The following PALLD variants were observed in gnomAD, a reference collection of about 807,000 sequenced individuals.
PALLD encodes the protein palladin.
PALLD carries 61 observed loss-of-function variants against 123.5 expected under a neutral mutation model. The observed-to-expected ratio is 0.49, with a 90% CI of 0.40 to 0.61. The LOEUF (loss-of-function observed/expected upper bound fraction) is 0.61, where lower values mean the gene tolerates loss of function less well. Ranked by LOEUF, PALLD falls within the 20% of genes least tolerant of loss-of-function variation. The probability of loss-of-function intolerance (pLI) is 0.00; values close to 1 mark genes in which losing one functional copy is unlikely to be tolerated. For synonymous variants in PALLD, 465 were observed against 496.4 expected (o/e 0.94, Z 0.84); for missense variants, 1,273 against 1,377.0 (o/e 0.92, Z 1.20).
At chr4:168,903,193 C>T (rs1281619423) in intron 14 of PALLD, among the ~76,000 whole-genome samples, 2 of 152,100 alleles carry the variant, frequency 1.3e-5, no homozygotes, top group African/African-American at 4.8e-5. Context: ...CTTCCTGGCC[C>T]AGAAATAAAG....
chr4:168,718,603 A>T (rs989044869), intron 10 of PALLD, among the ~76,000 whole-genome samples: 2 of 152,232 alleles, frequency 1.3e-5, no homozygotes, highest in African/African-American at 2.4e-5. Flanking sequence ...ATAAAGAAAT[A>T]TATGCACTGA....
chr4:168,624,412 G>T (rs1221352314), intron 2 of PALLD, among the ~76,000 whole-genome samples: 5 of 152,006 alleles, frequency 3.3e-5, no homozygotes, highest in African/African-American at 1.2e-4. Context: ...CCGCAAAAAA[G>T]CTTCTAAGAA....
At chr4:168,733,806 C>T (rs959900813) in intron 10 of PALLD, among the ~76,000 whole-genome samples, 2 of 152,188 alleles carry the variant, frequency 1.3e-5, no homozygotes, top group Non-Finnish European at 2.9e-5. Flanking sequence ...GCTATCTTGG[C>T]TCACTGCAAG....
chr4:168,700,019 A>G, intron 8 of PALLD: 1 of 272,616 alleles, frequency 3.7e-6, no homozygotes, highest in Admixed American at 4.2e-5. Context: ...TATTTTACAG[A>G]TGTCTTATAC....
intron 10 of PALLD, among the ~76,000 whole-genome samples, chr4:168,850,676 C>T (rs1420240113): frequency 6.6e-6 from 1 of 151,596 alleles, no homozygotes; most frequent in East Asian, 1.9e-4. Flanking sequence ...GGATTACAGG[C>T]GTGCACCACC....
At chr4:168,532,815 G>A (rs1338387657) in intron 2 of PALLD, among the ~76,000 whole-genome samples, 1 of 151,958 alleles carries the variant, frequency 6.6e-6, no homozygotes, top group Non-Finnish European at 1.5e-5. Flanking sequence ...TGAAAGAAAG[G>A]GAAACCATTG....
In PALLD at chr4:168,518,387, C is replaced by T. The variant is rs746579820; in HGVS notation, c.908+5975C>T. Among the ~76,000 whole-genome samples the T allele has an allele frequency of 5.9e-5, 9 of 152,258 alleles. No homozygotes were observed. The South Asian group carries it at 8.3e-4, about 14-fold the overall frequency. On this transcript the variant is annotated intron_variant, in intron 2 of 21. Coordinates refer to ENST00000505667, the MANE Select transcript of PALLD (RefSeq NM_001166108.2). The stretch of plus-strand genomic sequence containing the variant: ...ATGAAATCACTATCACAGCACTGCC[C>T]GAACACCGTCCAGGGGCTTCTCACT...
In PALLD at chr4:168,652,516, G is replaced by A. The variant is rs181701144; in HGVS notation, c.909-15674G>A. ...TTATACTTTAAGTTCTAGGGTACAT[G>A]TGCACAACGTGCAGGTTAACACAAA... On this transcript the variant is annotated intron_variant, in intron 2 of 21. Transcript: ENST00000505667. Among the ~76,000 whole-genome samples, 176 of 152,190 alleles carry A rather than the reference G, an allele frequency of 1.2e-3. 1 individual carries two copies. The highest frequency in any genetic ancestry group is 2.2e-3 in the Non-Finnish European group (149 of 68,026).
rs914230832 is a variant in PALLD at position 168,750,905 on chromosome 4, C to G, written c.1964+38982C>G. ...ACCATTATTTGGATAGATGATTTGTCTCTCTGTCTGGTTGGTAACTGAAGG... is the reference window on the plus strand; with the variant it reads ...ACCATTATTTGGATAGATGATTTGTGTCTCTGTCTGGTTGGTAACTGAAGG... On this transcript the variant is annotated intron_variant, in intron 10 of 21. Transcript: ENST00000505667. Among the ~76,000 whole-genome samples the G allele has an allele frequency of 2.6e-5, 4 of 152,150 alleles. No homozygotes were observed. In the East Asian group the frequency reaches 7.7e-4, roughly 29 times the overall value.
intron 2 of PALLD, among the ~76,000 whole-genome samples, chr4:168,656,240 C>T (rs964547073): frequency 7.4e-6 from 1 of 134,766 alleles, no homozygotes; most frequent in Non-Finnish European, 1.6e-5. Flanking sequence ...ATTCTCCACC[C>T]CCCCACCCCC....
At chr4:168,586,504 G>A (rs1359460048) in intron 2 of PALLD, among the ~76,000 whole-genome samples, 3 of 152,168 alleles carry the variant, frequency 2.0e-5, no homozygotes, top group African/African-American at 7.2e-5. Context: ...GAGAGGAGGA[G>A]CGAATCCCTC....
chr4:168,882,404 A>T (rs1030218024), intron 10 of PALLD, among the ~76,000 whole-genome samples: 3 of 152,216 alleles, frequency 2.0e-5, no homozygotes, highest in African/African-American at 7.2e-5. Flanking sequence ...AGAAGCAGCA[A>T]ATCAGAATCC....
rs186535121 is a variant in PALLD, at chr4:168,788,002, G to A, written c.1964+76079G>A. Among the ~76,000 whole-genome samples, 14 of 152,308 alleles carry A rather than the reference G, an allele frequency of 9.2e-5. No individual in the cohort carries two copies. In the East Asian group the frequency reaches 1.5e-3, roughly 17 times the overall value. On this transcript the variant is annotated intron_variant, in intron 10 of 21. Transcript: ENST00000505667. ...CTTCGCTGTAAACATGGTCATTGGC[G>A]TTAAGTTGTTAAACTGTAACTAATC... is the stretch of plus-strand genomic sequence containing the variant.
At chr4:168,890,896 T>C (rs778525718) in intron 10 of PALLD, 26 bp from the exon 11 acceptor site, 3 of 1,613,470 alleles carry the variant, frequency 1.9e-6, no homozygotes, top group Non-Finnish European at 2.5e-6. Context: ...CAACTAACTA[T>C]ACTGCCTTGT....
Position 168,768,910 on chromosome 4 carries a change from C to A in PALLD, c.1964+56987C>A, listed in dbSNP as rs182827399. Among the ~76,000 whole-genome samples, 30 of 151,606 alleles carry A rather than the reference C, an allele frequency of 2.0e-4. No individual in the cohort carries two copies. The East Asian group carries it at 5.6e-3, about 29-fold the overall frequency. On this transcript the variant is annotated intron_variant, in intron 10 of 21. Coordinates refer to ENST00000505667, the MANE Select transcript of PALLD (RefSeq NM_001166108.2). ...GTGATGCCATCTCAGCTCACTGCAA[C>A]CTCCGCCTCCTGGGTTCAAGCAATT...
chr4:168,860,308 C>G (rs1051653819), intron 10 of PALLD, among the ~76,000 whole-genome samples: 1 of 152,214 alleles, frequency 6.6e-6, no homozygotes, highest in Non-Finnish European at 1.5e-5. Flanking sequence ...CAGCCATGCA[C>G]AGCTGGACAG....
chr4:168,537,242 A>G (rs1464000677), intron 2 of PALLD, among the ~76,000 whole-genome samples: 1 of 152,236 alleles, frequency 6.6e-6, no homozygotes, highest in African/African-American at 2.4e-5. Flanking sequence ...GACTGAGGAA[A>G]TAATTGGGCA....
chr4:168,831,122 C>T (rs575887943), intron 10 of PALLD, among the ~76,000 whole-genome samples: 2 of 152,222 alleles, frequency 1.3e-5, no homozygotes, highest in South Asian at 2.1e-4. Flanking sequence ...AACCCAGCTA[C>T]TGGAGGATTA....
intron 10 of PALLD, among the ~76,000 whole-genome samples, chr4:168,881,349 T>C (rs1432060496): frequency 6.6e-6 from 1 of 152,062 alleles, no homozygotes; most frequent in East Asian, 1.9e-4. Context: ...GTTTTTCATA[T>C]GTTTGGGTAG....
Sources: allele counts gnomAD v4.1 joint callset (sites outside exome capture counted in the v4.1 genomes callset), GRCh38; gene constraint gnomAD v4.1.1; transcripts MANE v1.5; gene names NCBI Gene and HGNC (gene_info 2026-07-23, HGNC 2026-07-21).